DGKB: variants seen among roughly 807,000 people sequenced by gnomAD.
DGKB encodes the protein diacylglycerol kinase beta.
DGKB carries 67 observed loss-of-function variants against 114.3 expected under a neutral mutation model. The observed-to-expected ratio is 0.59, with a 90% confidence interval of 0.48 to 0.72. The LOEUF is 0.72. Among genes scored for constraint, DGKB ranks in the 30% least tolerant of loss-of-function variants. DGKB has a pLI of 0.00. For missense variants in DGKB, 907 were observed against 975.2 expected, an observed-to-expected ratio of 0.93 and a Z score of 0.93; for synonymous variants, 398 against 323.1, an observed-to-expected ratio of 1.23 and a Z score of -2.49.
chr7:14,411,060 G>A (rs560081023), intron 21 of DGKB, among the ~76,000 whole-genome samples: 110 of 152,246 alleles, frequency 7.2e-4, no homozygotes, highest in African/African-American at 2.5e-3. Context: ...GCAGTGGCAG[G>A]TTTCTGCAGC....
At chr7:14,573,750 T>C (rs1798716619) in intron 20 of DGKB, among the ~76,000 whole-genome samples, 1 of 148,468 alleles carries the variant, frequency 6.7e-6, no homozygotes, top group Non-Finnish European at 1.5e-5. Context: ...TATTAATCAC[T>C]TGAGAATAGT....
At chr7:14,752,931 G>T (rs753472501) in intron 4 of DGKB, among the ~76,000 whole-genome samples, 1 of 152,006 alleles carries the variant, frequency 6.6e-6, no homozygotes, top group Non-Finnish European at 1.5e-5. Flanking sequence ...CCATATTTGG[G>T]GAAACAAGTT....
Position 14,923,779 on chromosome 7 carries a change from G to C in DGKB, c.-188+50917C>G, listed in dbSNP as rs111500819. ...GGCGGCCAAGGCGGGCGAATCACCT[G>C]AGGTCAGGAGTTTGAGACAAGCCTG... On this transcript the variant is annotated intron_variant, in intron 1 of 4. Coordinates refer to the DGKB transcript ENST00000437998. 7.4e-3 allele frequency among the ~76,000 whole-genome samples: 1,120 copies of C among 152,076 alleles called. 18 individuals carry two copies. The highest frequency in any genetic ancestry group is 0.026 in the African/African-American group (1,067 of 41,452).
At chr7:14,277,869 T>G (rs111524448) in intron 23 of DGKB, among the ~76,000 whole-genome samples, 9 of 152,352 alleles carry the variant, frequency 5.9e-5, no homozygotes, top group African/African-American at 2.2e-4. Context: ...AAGGCTGCAC[T>G]AATTTTCATT....
Position 14,303,826 on chromosome 7 carries a change from G to C in DGKB, c.2122+34689C>G, listed in dbSNP as rs190789501. Among the ~76,000 whole-genome samples, 741 of 152,182 alleles carry C rather than the reference G, an allele frequency of 4.9e-3. 6 individuals are homozygous for C. The highest frequency in any genetic ancestry group is 0.017 in the African/African-American group (706 of 41,518). ...TTTCACCGAAGGTGGCCCAGCACTT[G>C]CTGCTGAGTTTTCATGCACTTTGCT... On this transcript the variant is annotated intron_variant, in intron 23 of 25. Transcript: ENST00000402815.
intron 23 of DGKB, among the ~76,000 whole-genome samples, chr7:14,328,202 A>G (rs1198804244): frequency 6.6e-6 from 1 of 152,120 alleles, no homozygotes; most frequent in African/African-American, 2.4e-5. Flanking sequence ...TGGGTTAAGA[A>G]GCATTAGTAG....
At chr7:14,215,273 G>A (rs1788770686) in intron 23 of DGKB, among the ~76,000 whole-genome samples, 1 of 152,092 alleles carries the variant, frequency 6.6e-6, no homozygotes, top group Non-Finnish European at 1.5e-5. Flanking sequence ...GCATGCATGT[G>A]AGTCAAGGTG....
At chr7:14,705,880 A>G (rs987631931) in intron 6 of DGKB, among the ~76,000 whole-genome samples, 26 of 152,326 alleles carry the variant, frequency 1.7e-4, no homozygotes, top group African/African-American at 5.3e-4. Flanking sequence ...TGTAAAGACC[A>G]TCGAGACTAG....
intron 16 of DGKB, among the ~76,000 whole-genome samples, chr7:14,609,925 A>G (rs1805214529): frequency 6.6e-6 from 1 of 152,110 alleles, no homozygotes; most frequent in South Asian, 2.1e-4. Flanking sequence ...TGTTGTTGTG[A>G]ATGTAAATTA....
At chr7:14,751,978 A>G (rs1312932523) in intron 4 of DGKB, among the ~76,000 whole-genome samples, 2 of 152,200 alleles carry the variant, frequency 1.3e-5, no homozygotes, top group East Asian at 1.9e-4. Flanking sequence ...ACACAGAGCT[A>G]TTTATTATAC....
intron 20 of DGKB, among the ~76,000 whole-genome samples, chr7:14,554,694 T>C (rs910956757): frequency 6.6e-6 from 1 of 152,158 alleles, no homozygotes; most frequent in Admixed American, 6.5e-5. Context: ...TACTGATTTA[T>C]TGACTGATAG....
chr7:14,540,640 T>C (rs1003523261), intron 20 of DGKB, among the ~76,000 whole-genome samples: 8 of 152,350 alleles, frequency 5.3e-5, no homozygotes, highest in African/African-American at 1.7e-4. Flanking sequence ...AGTTTACTAT[T>C]TGAGTTACAA....
At chr7:14,874,324 C>T (rs745891611) in intron 1 of DGKB, among the ~76,000 whole-genome samples, 10 of 151,886 alleles carry the variant, frequency 6.6e-5, no homozygotes, top group South Asian at 2.1e-4. Context: ...TACAAAAATA[C>T]GATTTTTAGA....
rs183968585 is a variant in DGKB at position 14,963,113 on chromosome 7, A to C, written c.-188+11583T>G. Among the ~76,000 whole-genome samples the C allele has an allele frequency of 3.2e-3, 486 of 152,214 alleles. 3 individuals are homozygous for C. Among genetic ancestry groups the C allele is most frequent in the Non-Finnish European group, 4.2e-3 (287 of 68,016 alleles). Reference sequence around the variant, plus strand: ...TCTCCCCTCTTAGATTTCCATTCCAAAATAAAGGATGCTTATCCCATAACC... The same window carrying C: ...TCTCCCCTCTTAGATTTCCATTCCACAATAAAGGATGCTTATCCCATAACC... On this transcript the variant is annotated intron_variant, in intron 1 of 4. Coordinates refer to the DGKB transcript ENST00000437998.
intron 1 of DGKB, among the ~76,000 whole-genome samples, chr7:14,847,990 TA>T (rs2128152519): frequency 6.6e-6 from 1 of 152,342 alleles, no homozygotes; most frequent in South Asian, 2.1e-4. Context: ...TTGAGATTAT[TA>T]GAGGCCATGT....
chr7:14,270,491 G>A (rs71538869), intron 23 of DGKB, among the ~76,000 whole-genome samples: 1 of 152,126 alleles, frequency 6.6e-6, no homozygotes, highest in Non-Finnish European at 1.5e-5. Context: ...CAGGGGCACG[G>A]GGTTTACAAA....
intron 25 of DGKB, among the ~76,000 whole-genome samples, chr7:14,150,990 G>A (rs1281789915): frequency 6.6e-6 from 1 of 152,004 alleles, no homozygotes; most frequent in Admixed American, 6.6e-5. Flanking sequence ...AATTGAACAA[G>A]CACATTGAAT....
intron 23 of DGKB, among the ~76,000 whole-genome samples, chr7:14,209,849 T>C (rs1396747202): frequency 6.6e-6 from 1 of 152,006 alleles, no homozygotes; most frequent in Non-Finnish European, 1.5e-5. Context: ...ATTATCATTT[T>C]GTTAAGCTAT....
intron 2 of DGKB, among the ~76,000 whole-genome samples, chr7:14,792,919 C>G (rs1277819636): frequency 6.6e-6 from 1 of 152,052 alleles, no homozygotes; most frequent in African/African-American, 2.4e-5. Flanking sequence ...AATGAACATA[C>G]AGATTAACTC....
Sources: allele counts gnomAD v4.1 joint callset (sites outside exome capture counted in the v4.1 genomes callset), GRCh38; gene constraint gnomAD v4.1.1; transcripts MANE v1.5; gene names NCBI Gene and HGNC (gene_info 2026-07-23, HGNC 2026-07-21).